The following NRF1 variants were observed in gnomAD, a reference collection of about 807,000 sequenced individuals.
NRF1 encodes the protein alpha palindromic-binding protein.
In NRF1, 5 loss-of-function variants were observed where a neutral mutation model predicts 58.5. That is an observed-to-expected ratio of 0.09 (90% confidence interval 0.04 to 0.18). NRF1 has a LOEUF of 0.18. Ranked by LOEUF, NRF1 falls within the 10% of genes least tolerant of loss-of-function variation. The pLI, the probability that NRF1 is intolerant of heterozygous loss-of-function variation, is 1.00. For synonymous variants in NRF1, 224 were observed against 246.7 expected (o/e 0.91, Z 0.86); for missense variants, 288 against 657.7 (o/e 0.44, Z 6.15).
intron 1 of NRF1, among the ~76,000 whole-genome samples, chr7:129,628,813 T>TAA (rs1472237865): frequency 6.6e-6 from 1 of 152,242 alleles, no homozygotes; most frequent in Admixed American, 6.5e-5. Context: ...TAACTACTCT[T>TAA]ACATTAAAAC....
intron 1 of NRF1, among the ~76,000 whole-genome samples, chr7:129,630,916 T>C (rs1801034804): frequency 6.6e-6 from 1 of 152,212 alleles, no homozygotes; most frequent in African/African-American, 2.4e-5. Flanking sequence ...AAAAATTATT[T>C]TGTAGGCATT....
rs115307236 is a variant in NRF1, at chr7:129,626,148, A to G, written c.-7+14324A>G. 3.6e-3 allele frequency among the ~76,000 whole-genome samples: 549 copies of G among 152,276 alleles called. 3 individuals are homozygous for G. Among genetic ancestry groups the G allele is most frequent in the African/African-American group, 0.012 (518 of 41,556 alleles). On this transcript the variant is annotated intron_variant, in intron 1 of 10. Coordinates refer to ENST00000393232, the MANE Select transcript of NRF1 (RefSeq NM_005011.5). Reference sequence around the variant, plus strand: ...TTGCCTTAATTTTAAGACAGGGACAATAATGCCTTTATTATTGATTTGTGA... The same window carrying G: ...TTGCCTTAATTTTAAGACAGGGACAGTAATGCCTTTATTATTGATTTGTGA...
intron 5 of NRF1, among the ~76,000 whole-genome samples, chr7:129,705,233 G>A (rs1360003497): frequency 6.6e-6 from 1 of 152,098 alleles, no homozygotes; most frequent in African/African-American, 2.4e-5. Context: ...CTGTTTTGCA[G>A]ATGAGAACAT....
chr7:129,665,014 G>A (rs1330904591), intron 2 of NRF1, among the ~76,000 whole-genome samples: 2 of 152,170 alleles, frequency 1.3e-5, no homozygotes, highest in African/African-American at 2.4e-5. Flanking sequence ...AAAATAATGC[G>A]GGAAGGTAAT....
At chr7:129,708,760 GA>G (rs1803007321) in intron 5 of NRF1, among the ~76,000 whole-genome samples, 1 of 152,114 alleles carries the variant, frequency 6.6e-6, no homozygotes, top group South Asian at 2.1e-4. Context: ...GAAAACTGTA[GA>G]AGGGAAATAA....
rs374338238 is a variant in NRF1 at position 129,755,324 on chromosome 7, G to A, written c.*143G>A. ...TTTTTTTTTTTAAAAGGAAGAAAGC[G>A]GATTTTGGAATTGCATTTTTTAAAG... On this transcript the variant is annotated 3_prime_UTR_variant, in exon 11 of 11. Coordinates refer to ENST00000393232, the MANE Select transcript of NRF1 (RefSeq NM_005011.5). The surrounding 1 kb of genome is among the most constrained non-coding windows in gnomAD (Gnocchi z 5.8). 8.9e-5 allele frequency: 66 copies of A among 742,376 alleles called. 1 individual carries two copies. In the South Asian group the frequency reaches 1.4e-3, roughly 16 times the overall value. The allele number at this position is 742,376 out of a possible 1,614,324, so 46.0% of individuals were successfully genotyped here.
intron 10 of NRF1, among the ~76,000 whole-genome samples, chr7:129,738,637 CTTTCA>C (rs142095034): frequency 0.018 from 2,728 of 152,196 alleles, 43 homozygotes; most frequent in Non-Finnish European, 0.029. Flanking sequence ...ATTGTCCATT[CTTTCA>C]TTTTGTTTTT....
intron 8 of NRF1, among the ~76,000 whole-genome samples, chr7:129,712,922 G>A (rs1803107902): frequency 2.0e-5 from 3 of 152,278 alleles, no homozygotes; most frequent in South Asian, 4.1e-4. Context: ...AAAAGACAAC[G>A]AGGGGTACAG....
chr7:129,693,301 G>C (rs1421325091), intron 5 of NRF1, among the ~76,000 whole-genome samples: 1 of 152,096 alleles, frequency 6.6e-6, no homozygotes, highest in Admixed American at 6.6e-5. Flanking sequence ...CCAGCAACTT[G>C]GTCTGAAGTA....
At chr7:129,651,281 G>C (rs1279569684) in intron 1 of NRF1, among the ~76,000 whole-genome samples, 1 of 152,040 alleles carries the variant, frequency 6.6e-6, no homozygotes, top group Non-Finnish European at 1.5e-5. Flanking sequence ...AATCAGCTGG[G>C]CTTGGTGGTG....
In NRF1 at chr7:129,755,121, A is replaced by C. The variant is rs780592279; in HGVS notation, c.1452A>C (p.Ile484=). 1.2e-6 allele frequency: 2 copies of C among 1,614,052 alleles called. No individual in the cohort carries two copies. The highest frequency in any genetic ancestry group is 1.7e-6 in the Non-Finnish European group (2 of 1,179,984). ...CCATGGCCCCTGTGACCACCAGGAT[A>C]TCAGACAGCGCAGTCACCATGGACG... is the stretch of plus-strand genomic sequence containing the variant. The part of the protein sequence containing the change: ...QVAMAPVTTR[I]SDSAVTMDGQ... Residue 484 remains isoleucine (I), a synonymous_variant, in exon 11 of 11, where the codon ATA becomes ATC. Transcript: ENST00000393232. The surrounding 1 kb of genome is among the most constrained non-coding windows in gnomAD (Gnocchi z 5.8).
At chr7:129,749,941 T>C (rs946807153) in intron 10 of NRF1, among the ~76,000 whole-genome samples, 1 of 152,072 alleles carries the variant, frequency 6.6e-6, no homozygotes, top group African/African-American at 2.4e-5. Context: ...ACTAAAGTCT[T>C]CAGGACATTA....
chr7:129,634,059 TATACAC>T (rs1314520666), intron 1 of NRF1, among the ~76,000 whole-genome samples: 3 of 124,824 alleles, frequency 2.4e-5, no homozygotes, highest in South Asian at 2.5e-4. Flanking sequence ...TATATATATA[TATACAC>T]ACACACACAC....
chr7:129,690,668 GTCTT>G, intron 5 of NRF1, 122 bp downstream of exon 5: 1 of 1,018,456 alleles, frequency 9.8e-7, no homozygotes, highest in Non-Finnish European at 1.4e-6. Flanking sequence ...GCTGACTGGA[GTCTT>G]GTAGTGAAAC....
chr7:129,735,201 T>C, intron 10 of NRF1: 1 of 985,372 alleles, frequency 1.0e-6, no homozygotes, highest in Non-Finnish European at 1.2e-6. Context: ...TCCCTCCTCA[T>C]GTTCTGAATG....
chr7:129,619,433 T>TACACACACAC (rs754223551), intron 1 of NRF1, among the ~76,000 whole-genome samples: 30 of 65,836 alleles, frequency 4.6e-4, no homozygotes, highest in African/African-American at 8.2e-4. Flanking sequence ...TATATATATA[T>TACACACACAC]ACACACACAC....
At chr7:129,673,586 G>C (rs796799297) in intron 3 of NRF1, among the ~76,000 whole-genome samples, 6 of 151,562 alleles carry the variant, frequency 4.0e-5, no homozygotes, top group Admixed American at 3.9e-4. Flanking sequence ...GCGCAGTGGC[G>C]GGCGCCTGTA....
chr7:129,629,025 G>C (rs1243273350), intron 1 of NRF1, among the ~76,000 whole-genome samples: 1 of 152,218 alleles, frequency 6.6e-6, no homozygotes, highest in Non-Finnish European at 1.5e-5. Context: ...TAGACTCACT[G>C]TAGCAGATAC....
intron 10 of NRF1, among the ~76,000 whole-genome samples, chr7:129,743,125 A>AT (rs923191052): frequency 1.3e-5 from 2 of 149,614 alleles, no homozygotes; most frequent in African/African-American, 2.5e-5. Context: ...ACCTTTTTGT[A>AT]TTTTTTTCTC....
Sources: gnomAD v4.1 joint callset for allele counts (sites outside exome capture counted in the v4.1 genomes callset) on GRCh38, gnomAD v4.1.1 for gene constraint, Gnocchi (gnomAD v3.1) non-coding constraint, MANE v1.5 for transcripts, NCBI Gene and HGNC (gene_info 2026-07-23, HGNC 2026-07-21) for gene names.